NTRK2: variants seen among roughly 807,000 people sequenced by gnomAD.
NTRK2 encodes the protein BDNF/NT-3 growth factors receptor.
A neutral mutation model predicts 94.5 loss-of-function variants in NTRK2; 13 were observed. The ratio of observed to expected loss-of-function variants is 0.14; its 90% CI spans 0.09 to 0.22. The LOEUF (loss-of-function observed/expected upper bound fraction) is 0.22, where lower values mean the gene tolerates loss of function less well. Among genes scored for constraint, NTRK2 ranks in the 10% least tolerant of loss-of-function variants. NTRK2 has a pLI of 1.00. For missense variants in NTRK2, 639 were observed against 1,071.2 expected, an observed-to-expected ratio of 0.60 and a Z score of 5.63; for synonymous variants, 372 against 407.4, an observed-to-expected ratio of 0.91 and a Z score of 1.05.
intron 11 of NTRK2, among the ~76,000 whole-genome samples, chr9:84,748,558 A>T (rs2132439562): frequency 6.6e-6 from 1 of 152,310 alleles, no homozygotes; most frequent in Non-Finnish European, 1.5e-5. Flanking sequence ...GAACGCAGGG[A>T]TCTAGGACTC....
intron 12 of NTRK2, among the ~76,000 whole-genome samples, chr9:84,752,567 C>A (rs1394932732): frequency 1.3e-5 from 2 of 152,122 alleles, no homozygotes; most frequent in Non-Finnish European, 2.9e-5. Context: ...AAAATAAGAA[C>A]AGCTATCAGC....
chr9:84,914,443 T>C (rs2077334974), intron 14 of NTRK2, among the ~76,000 whole-genome samples: 1 of 152,236 alleles, frequency 6.6e-6, no homozygotes, highest in Non-Finnish European at 1.5e-5. Flanking sequence ...TATGAGATTC[T>C]ATGCTATTTA....
chr9:84,973,847 T>G (rs1288688202), intron 17 of NTRK2, among the ~76,000 whole-genome samples: 1 of 152,210 alleles, frequency 6.6e-6, no homozygotes, highest in Non-Finnish European at 1.5e-5. Context: ...AGACTTAAGA[T>G]CAATTCTTAG....
At chr9:84,817,021 C>G (rs2072469364) in intron 12 of NTRK2, among the ~76,000 whole-genome samples, 1 of 152,192 alleles carries the variant, frequency 6.6e-6, no homozygotes, top group South Asian at 2.1e-4. Flanking sequence ...GCTTCAATTT[C>G]TTCCTTTGCA....
At chr9:84,689,058 G>A (rs1425293087) in intron 2 of NTRK2, among the ~76,000 whole-genome samples, 1 of 152,238 alleles carries the variant, frequency 6.6e-6, no homozygotes, top group African/African-American at 2.4e-5. Context: ...GCTGATGCAT[G>A]TAGAATGCTT....
chr9:84,859,549 C>A (rs1465764428), intron 12 of NTRK2, among the ~76,000 whole-genome samples: 1 of 151,952 alleles, frequency 6.6e-6, no homozygotes, highest in Non-Finnish European at 1.5e-5. Flanking sequence ...AGTTAATGAT[C>A]AAAAATAATC....
At chr9:84,881,751 G>T (rs146426339) in intron 14 of NTRK2, among the ~76,000 whole-genome samples, 55 of 152,288 alleles carry the variant, frequency 3.6e-4, no homozygotes, top group African/African-American at 1.2e-3. Context: ...TATGCCCATT[G>T]CCATGTCTGT....
At chr9:84,777,491 A>G (rs1455984760) in intron 12 of NTRK2, among the ~76,000 whole-genome samples, 1 of 152,240 alleles carries the variant, frequency 6.6e-6, no homozygotes, top group Non-Finnish European at 1.5e-5. Context: ...ATTGTAGAAC[A>G]GATTTCTTCT....
intron 12 of NTRK2, among the ~76,000 whole-genome samples, chr9:84,841,566 C>T (rs903369790): frequency 2.6e-5 from 4 of 152,196 alleles, no homozygotes; most frequent in Admixed American, 2.0e-4. Flanking sequence ...ATCTGTGGCT[C>T]CCTCTTTCTG....
At chr9:84,944,215 T>TCTCTCTCACACACA (rs1440338055) in intron 15 of NTRK2, among the ~76,000 whole-genome samples, 2 of 120,332 alleles carry the variant, frequency 1.7e-5, no homozygotes, top group African/African-American at 3.4e-5. Flanking sequence ...TCTCTCTCTC[T>TCTCTCTCACACACA]CACACACACA....
At chr9:84,821,019 ATCTCTGCTC>A (rs1362696743) in intron 12 of NTRK2, among the ~76,000 whole-genome samples, 3 of 152,048 alleles carry the variant, frequency 2.0e-5, no homozygotes, top group African/African-American at 7.3e-5. Context: ...TAGCCATAAG[ATCTCTGCTC>A]TTCATTTTGG....
chr9:84,865,430 A>G (rs2132037629), intron 13 of NTRK2, among the ~76,000 whole-genome samples: 1 of 152,314 alleles, frequency 6.6e-6, no homozygotes, highest in South Asian at 2.1e-4. Context: ...AACTGTTATC[A>G]CTACAAACTG....
chr9:85,003,534 G>A (rs527411948), intron 17 of NTRK2, among the ~76,000 whole-genome samples: 19 of 152,292 alleles, frequency 1.2e-4, no homozygotes, highest in Middle Eastern at 3.4e-3. Context: ...AGATGTCGGT[G>A]GGGAGGAGAG....
intron 17 of NTRK2, among the ~76,000 whole-genome samples, chr9:85,007,059 T>C (rs1831054160): frequency 6.6e-6 from 1 of 152,246 alleles, no homozygotes; most frequent in Non-Finnish European, 1.5e-5. Context: ...ATCCCAGCAC[T>C]GGACTGTGCT....
At chr9:84,731,224 C>G (rs907097929) in intron 9 of NTRK2, among the ~76,000 whole-genome samples, 2 of 152,102 alleles carry the variant, frequency 1.3e-5, no homozygotes, top group African/African-American at 4.8e-5. Context: ...CGCTTGAGCT[C>G]AGGAGTTCAA....
At chr9:84,914,649 A>G (rs1038737860) in intron 14 of NTRK2, among the ~76,000 whole-genome samples, 3 of 152,160 alleles carry the variant, frequency 2.0e-5, no homozygotes, top group Non-Finnish European at 4.4e-5. Flanking sequence ...GCTGGAGTAT[A>G]GCGATTCTTG....
chr9:84,752,169 T>A, intron 12 of NTRK2, 84 bp downstream of exon 12: 3 of 1,048,098 alleles, frequency 2.9e-6, no homozygotes, highest in Non-Finnish European at 4.4e-6. Flanking sequence ...AAGAAGGAAG[T>A]GGCTAGATTT....
In NTRK2 at chr9:84,749,737, A is replaced by T. The variant is rs559069363; in HGVS notation, c.1297-2249A>T. ...TATATTCTCCATCTTACACATGAAGATTATGAGATGCAGAGAGGTTAAGTA... is the reference window on the plus strand; with the variant it reads ...TATATTCTCCATCTTACACATGAAGTTTATGAGATGCAGAGAGGTTAAGTA... On this transcript the variant is annotated intron_variant, in intron 11 of 18. Transcript: ENST00000277120. Among the ~76,000 whole-genome samples the T allele has an allele frequency of 2.0e-5, 3 of 152,306 alleles. No individual in the cohort carries two copies. The East Asian group carries it at 5.8e-4, about 29-fold the overall frequency.
intron 12 of NTRK2, among the ~76,000 whole-genome samples, chr9:84,759,943 A>C (rs1338849392): frequency 2.0e-5 from 3 of 152,178 alleles, no homozygotes; most frequent in East Asian, 3.8e-4. Flanking sequence ...CTTTGATTTT[A>C]TCTTACTTTA....
Sources: allele counts gnomAD v4.1 joint callset (sites outside exome capture counted in the v4.1 genomes callset), GRCh38; gene constraint gnomAD v4.1.1; transcripts MANE v1.5; gene names NCBI Gene and HGNC (gene_info 2026-07-23, HGNC 2026-07-21).